Variants in DLG2 observed in about 807,000 individuals in gnomAD.
The protein encoded by DLG2 is discs large MAGUK scaffold protein 2.
In DLG2, 45 loss-of-function variants were observed where a neutral mutation model predicts 132.5. That is an observed-to-expected ratio of 0.34 (90% CI 0.27 to 0.44). The LOEUF is 0.44. Among genes scored for constraint, DLG2 ranks in the 20% least tolerant of loss-of-function variants. The probability of loss-of-function intolerance (pLI) is 1.00; values close to 1 mark genes in which losing one functional copy is unlikely to be tolerated. For synonymous variants in DLG2, 424 were observed against 419.6 expected (o/e 1.01, Z -0.13); for missense variants, 1,045 against 1,196.9 (o/e 0.87, Z 1.87).
At chr11:84,361,514 T>C (rs2098649604) in intron 7 of DLG2, among the ~76,000 whole-genome samples, 1 of 151,940 alleles carries the variant, frequency 6.6e-6, no homozygotes, top group Admixed American at 6.6e-5. Flanking sequence ...CTTATAATAT[T>C]CATTGCCAGC....
chr11:85,565,371 A>T (rs904030977), intron 3 of DLG2, among the ~76,000 whole-genome samples: 2 of 152,050 alleles, frequency 1.3e-5, no homozygotes, highest in Non-Finnish European at 2.9e-5. Context: ...ATAAAATGAA[A>T]TTCATCACTG....
At chr11:85,307,500 T>C (rs1278589611) in intron 3 of DLG2, among the ~76,000 whole-genome samples, 2 of 152,104 alleles carry the variant, frequency 1.3e-5, no homozygotes, top group Non-Finnish European at 2.9e-5. Context: ...TCTTCAAGCA[T>C]TTTTTTAGCA....
intron 4 of DLG2, among the ~76,000 whole-genome samples, chr11:85,272,802 A>C (rs34986882): frequency 1.4e-3 from 220 of 152,266 alleles, no homozygotes; most frequent in Admixed American, 2.7e-3. Context: ...CCAAGACAAT[A>C]CTAAGCAAAA....
intron 4 of DLG2, among the ~76,000 whole-genome samples, chr11:85,260,426 T>C (rs1595770946): frequency 6.6e-6 from 1 of 152,334 alleles, no homozygotes; most frequent in East Asian, 1.9e-4. Context: ...TCAACACTTT[T>C]GTTCTAAACT....
At chr11:83,910,073 G>A (rs570904372) in intron 15 of DLG2, among the ~76,000 whole-genome samples, 12 of 152,246 alleles carry the variant, frequency 7.9e-5, no homozygotes, top group Admixed American at 2.6e-4. Context: ...TAAATTAAAT[G>A]AACAGTTCAG....
chr11:83,686,744 T>G (rs2153609162), intron 18 of DLG2, among the ~76,000 whole-genome samples: 1 of 152,326 alleles, frequency 6.6e-6, no homozygotes, highest in South Asian at 2.1e-4. Flanking sequence ...TTCTTTCTGA[T>G]GCTTTATAGG....
At chr11:85,456,620 C>T (rs1189215909) in intron 3 of DLG2, among the ~76,000 whole-genome samples, 1 of 152,160 alleles carries the variant, frequency 6.6e-6, no homozygotes, top group Non-Finnish European at 1.5e-5. Context: ...ATAAACTTCC[C>T]TCTTAACACT....
intron 15 of DLG2, among the ~76,000 whole-genome samples, chr11:83,898,902 T>C (rs1374160250): frequency 6.6e-6 from 1 of 152,196 alleles, no homozygotes; most frequent in South Asian, 2.1e-4. Context: ...TATAGCATAA[T>C]ATGGATAATA....
intron 6 of DLG2, among the ~76,000 whole-genome samples, chr11:84,781,805 T>C (rs1416660293): frequency 6.6e-6 from 1 of 152,154 alleles, no homozygotes; most frequent in Non-Finnish European, 1.5e-5. Context: ...GATATTTCCA[T>C]GTCCTCAGTG....
At position 84,369,673 on chromosome 11, in the gene DLG2, A is replaced by T. The variant is rs185659927; in HGVS notation, c.520-118382T>A. Among the ~76,000 whole-genome samples the T allele has an allele frequency of 6.6e-4, 101 of 152,306 alleles. 1 individual carries two copies. The highest frequency in any genetic ancestry group is 2.3e-3 in the African/African-American group (94 of 41,576). ...TTCATGCCACAGACATGGTTGGAGC[A>T]TTAAAAATATGCCCTTCTGAAATTT... On this transcript the variant is annotated intron_variant, in intron 7 of 27. Transcript: ENST00000376104.
intron 16 of DLG2, among the ~76,000 whole-genome samples, chr11:83,840,169 C>T (rs1023385379): frequency 6.6e-6 from 1 of 152,304 alleles, no homozygotes; most frequent in Non-Finnish European, 1.5e-5. Context: ...CATATGATAA[C>T]TTGTTCCTTG....
intron 8 of DLG2, among the ~76,000 whole-genome samples, chr11:84,250,711 G>C (rs913586470): frequency 1.3e-5 from 2 of 152,118 alleles, no homozygotes; most frequent in Non-Finnish European, 2.9e-5. Flanking sequence ...AGAATCCTAG[G>C]CTTCATTGGT....
intron 18 of DLG2, among the ~76,000 whole-genome samples, chr11:83,713,123 C>A (rs2085871349): frequency 6.6e-6 from 1 of 152,046 alleles, no homozygotes; most frequent in Non-Finnish European, 1.5e-5. Flanking sequence ...ACATGTTTTC[C>A]TCCTTTAATC....
chr11:83,513,467 A>G (rs2095146329), intron 21 of DLG2, among the ~76,000 whole-genome samples: 1 of 152,190 alleles, frequency 6.6e-6, no homozygotes, highest in Non-Finnish European at 1.5e-5. Flanking sequence ...ATTTTCTCCC[A>G]TTCTGTAGGT....
At chr11:83,844,019 G>A (rs1246390909) in intron 16 of DLG2, among the ~76,000 whole-genome samples, 1 of 152,130 alleles carries the variant, frequency 6.6e-6, no homozygotes, top group Non-Finnish European at 1.5e-5. Context: ...CAAGTACTGA[G>A]AATAGCAGCA....
At chr11:84,579,897 G>C (rs1157432818) in intron 6 of DLG2, among the ~76,000 whole-genome samples, 2 of 152,190 alleles carry the variant, frequency 1.3e-5, no homozygotes, top group Admixed American at 1.3e-4. Flanking sequence ...TGGAATGTGG[G>C]GGCTGATGGA....
chr11:85,311,713 T>G (rs1452022209), intron 3 of DLG2, among the ~76,000 whole-genome samples: 1 of 152,074 alleles, frequency 6.6e-6, no homozygotes, highest in Non-Finnish European at 1.5e-5. Flanking sequence ...CAGACTAAAT[T>G]TATACCCTTT....
At chr11:83,817,629 C>T (rs1266541980) in intron 17 of DLG2, among the ~76,000 whole-genome samples, 2 of 152,206 alleles carry the variant, frequency 1.3e-5, no homozygotes, top group Non-Finnish European at 1.5e-5. Context: ...GATCCCAGTG[C>T]TTTGAGAGGC....
At chr11:84,896,703 T>C (rs1020118483) in intron 6 of DLG2, among the ~76,000 whole-genome samples, 2 of 151,966 alleles carry the variant, frequency 1.3e-5, no homozygotes, top group African/African-American at 4.8e-5. Context: ...GGTCAGAAAA[T>C]AGATGAGTAC....
Sources: gnomAD v4.1 joint callset for allele counts (sites outside exome capture counted in the v4.1 genomes callset) on GRCh38, gnomAD v4.1.1 for gene constraint, MANE v1.5 for transcripts, NCBI Gene and HGNC (gene_info 2026-07-23, HGNC 2026-07-21) for gene names.